DRC3: variants seen among roughly 807,000 people sequenced by gnomAD.
The protein encoded by DRC3 is leucine rich repeat containing 48.
DRC3 carries 45 observed loss-of-function variants against 57.6 expected under a neutral mutation model. That is an observed-to-expected ratio of 0.78 (90% confidence interval 0.62 to 1.00). The LOEUF is 1.00. DRC3 is among the 50% of genes least tolerant of loss of function. DRC3 has a pLI of 0.00. For missense variants in DRC3, 655 were observed against 675.2 expected, an observed-to-expected ratio of 0.97 and a Z score of 0.33; for synonymous variants, 257 against 272.3, an observed-to-expected ratio of 0.94 and a Z score of 0.55.
At chr17:17,980,621 A>C (rs1597544516) in intron 3 of DRC3, among the ~76,000 whole-genome samples, 1 of 104,626 alleles carries the variant, frequency 9.6e-6, no homozygotes, top group African/African-American at 3.9e-5. Context: ...TTTGAGATGG[A>C]GTCTCACTCT....
intron 7 of DRC3, 118 bp downstream of exon 7, chr17:17,994,536 C>A (rs2043374122): frequency 7.3e-7 from 1 of 1,363,792 alleles, no homozygotes; most frequent in Non-Finnish European, 9.8e-7. Flanking sequence ...ATCATGCTCC[C>A]TCCACAGGGC....
chr17:18,002,026 G>A (rs1433841400), intron 9 of DRC3, among the ~76,000 whole-genome samples: 1 of 151,978 alleles, frequency 6.6e-6, no homozygotes, highest in Non-Finnish European at 1.5e-5. Context: ...AAATTCACTG[G>A]GCATGGTGGC....
chr17:18,003,544 G>A (rs1176544043), intron 9 of DRC3, among the ~76,000 whole-genome samples: 1 of 149,072 alleles, frequency 6.7e-6, no homozygotes, highest in Non-Finnish European at 1.5e-5. Flanking sequence ...CTGGTACAGG[G>A]AGGGCACCTT....
At chr17:17,978,958 A>T (rs1467122872) in intron 3 of DRC3, among the ~76,000 whole-genome samples, 1 of 152,162 alleles carries the variant, frequency 6.6e-6, no homozygotes, top group African/African-American at 2.4e-5. Context: ...GGGGACAATT[A>T]AATAAAATGA....
At chr17:17,975,609 T>C (rs2042350578) in intron 2 of DRC3, among the ~76,000 whole-genome samples, 1 of 144,098 alleles carries the variant, frequency 6.9e-6, no homozygotes, top group South Asian at 2.1e-4. Flanking sequence ...GATGACAAGT[T>C]ATGGGAAACC....
intron 12 of DRC3, 179 bp from the exon 13 acceptor site, chr17:18,015,885 G>A (rs991184170): frequency 9.3e-6 from 6 of 647,010 alleles, no homozygotes; most frequent in African/African-American, 3.6e-5. Context: ...TTGGGGAAGC[G>A]GCTGTCACAG....
intron 9 of DRC3, among the ~76,000 whole-genome samples, chr17:18,002,002 T>C (rs1273933662): frequency 6.6e-6 from 1 of 152,042 alleles, no homozygotes; most frequent in Non-Finnish European, 1.5e-5. Context: ...ACCCCATCTC[T>C]ACTAAAAATG....
At chr17:17,994,910 C>T in intron 7 of DRC3, 89 bp from the exon 8 acceptor site, 1 of 823,592 alleles carries the variant, frequency 1.2e-6, no homozygotes, top group Admixed American at 1.9e-5. Context: ...GAACATGCTC[C>T]CTCCTGACCT....
chr17:17,993,025 A>G, intron 6 of DRC3, 114 bp downstream of exon 6: 2 of 1,116,884 alleles, frequency 1.8e-6, no homozygotes, highest in Non-Finnish European at 2.6e-6. Flanking sequence ...CTAGGAGAGA[A>G]AGGGCAGCTC....
At chr17:17,995,148 G>A (rs986062217) in intron 8 of DRC3, 37 bp downstream of exon 8, 1 of 1,496,854 alleles carries the variant, frequency 6.7e-7, no homozygotes, top group South Asian at 1.1e-5. Flanking sequence ...CAGAGCCTCT[G>A]CCACCAGCCT....
intron 1 of DRC3, chr17:17,973,517 C>T (rs1304806456): frequency 2.0e-5 from 3 of 152,142 alleles, no homozygotes; most frequent in African/African-American, 7.2e-5. Context: ...CTTTTTATGG[C>T]CTCCGGAGCT....
chr17:18,014,538 A>C (rs1052422619), intron 12 of DRC3, among the ~76,000 whole-genome samples: 1 of 152,232 alleles, frequency 6.6e-6, no homozygotes, highest in Non-Finnish European at 1.5e-5. Flanking sequence ...TCATTTTACA[A>C]ATGTCACACA....
chr17:18,003,592 A>G (rs1467866786), intron 9 of DRC3, among the ~76,000 whole-genome samples: 1 of 149,488 alleles, frequency 6.7e-6, no homozygotes, highest in Non-Finnish European at 1.5e-5. Context: ...CAGGAAGAAA[A>G]AGGGAGGTCA....
At chr17:18,006,151 T>C in intron 10 of DRC3, 32 bp from the exon 11 acceptor site, 1 of 1,519,268 alleles carries the variant, frequency 6.6e-7, no homozygotes, top group South Asian at 1.1e-5. Flanking sequence ...CATCTAAATA[T>C]GCATGTTAAC....
At chr17:18,005,402 T>A (rs1314760437) in intron 10 of DRC3, 1 of 152,334 alleles carries the variant, frequency 6.6e-6, no homozygotes, top group African/African-American at 2.4e-5. Flanking sequence ...TTCCTATAGA[T>A]TCCACCCCTG....
intron 2 of DRC3, among the ~76,000 whole-genome samples, chr17:17,974,425 G>A (rs2042291517): frequency 1.3e-5 from 2 of 152,130 alleles, no homozygotes; most frequent in African/African-American, 2.4e-5. Flanking sequence ...AGGCTGGAGT[G>A]CAATGGCACG....
At chr17:18,001,883 T>C (rs148613234) in intron 9 of DRC3, among the ~76,000 whole-genome samples, 3,290 of 152,320 alleles carry the variant, frequency 0.022, 50 homozygotes, top group Non-Finnish European at 0.035. Flanking sequence ...TCTCCCAGGT[T>C]TGGCCGGACG....
At chr17:17,996,517 C>T (rs1456501999) in intron 8 of DRC3, among the ~76,000 whole-genome samples, 1 of 152,114 alleles carries the variant, frequency 6.6e-6, no homozygotes, top group Non-Finnish European at 1.5e-5. Context: ...GAAAGACTCA[C>T]CCCCATAATT....
chr17:17,984,388 A>G (rs2042859813), intron 4 of DRC3, among the ~76,000 whole-genome samples: 1 of 152,190 alleles, frequency 6.6e-6, no homozygotes, highest in Non-Finnish European at 1.5e-5. Flanking sequence ...TATGCTTTCC[A>G]TATGGGTCTT....
Sources: allele counts gnomAD v4.1 joint callset (sites outside exome capture counted in the v4.1 genomes callset), GRCh38; gene constraint gnomAD v4.1.1; transcripts MANE v1.5; gene names NCBI Gene and HGNC (gene_info 2026-07-23, HGNC 2026-07-21).